LARP1B: variants seen among roughly 807,000 people sequenced by gnomAD.
LARP1B encodes the protein la-related protein 1B.
In LARP1B, 76 loss-of-function variants were observed where a neutral mutation model predicts 114.2. That is an observed-to-expected ratio of 0.67 (90% confidence interval 0.55 to 0.81). The LOEUF is 0.81. Among genes scored for constraint, LARP1B ranks in the 30% least tolerant of loss-of-function variants. LARP1B has a pLI of 0.00. For missense variants in LARP1B, 1,014 were observed against 1,075.8 expected (o/e 0.94, Z 0.80); for synonymous variants, 345 against 348.0 (o/e 0.99, Z 0.10).
intron 4 of LARP1B, among the ~76,000 whole-genome samples, chr4:128,078,397 C>T (rs963017141): frequency 2.6e-5 from 4 of 152,014 alleles, no homozygotes; most frequent in Non-Finnish European, 5.9e-5. Context: ...AGGCGGACCA[C>T]TTGAGGTCAG....
chr4:128,201,475 C>G (rs1214106340), intron 17 of LARP1B, among the ~76,000 whole-genome samples: 1 of 152,228 alleles, frequency 6.6e-6, no homozygotes, highest in Non-Finnish European at 1.5e-5. Context: ...AGCAAGGCCT[C>G]TCACAATATG....
At chr4:128,077,528 A>G (rs1411428806) in intron 3 of LARP1B, among the ~76,000 whole-genome samples, 25 of 151,552 alleles carry the variant, frequency 1.6e-4, no homozygotes, top group Admixed American at 1.4e-3. Context: ...AAAAAAAAAA[A>G]GTGGTATTGA....
At chr4:128,168,578 C>T (rs140511450) in intron 12 of LARP1B, among the ~76,000 whole-genome samples, 3 of 152,124 alleles carry the variant, frequency 2.0e-5, no homozygotes, top group African/African-American at 4.8e-5. Flanking sequence ...CAGTGGCTCA[C>T]GTCATGTGGC....
At chr4:128,090,744 T>C (rs1485113923) in intron 5 of LARP1B, among the ~76,000 whole-genome samples, 1 of 152,228 alleles carries the variant, frequency 6.6e-6, no homozygotes, top group Non-Finnish European at 1.5e-5. Flanking sequence ...AAACTATCTC[T>C]TTACCTTTCT....
In LARP1B at chr4:128,155,509, A is replaced by G. The variant is rs1735116647; in HGVS notation, c.1525-6685A>G. On this transcript the variant is annotated intron_variant, in intron 11 of 19. Coordinates refer to ENST00000326639, the MANE Select transcript of LARP1B (RefSeq NM_018078.4). ...GCAGAAGTTCCACCTCGTGCCAAGG[A>G]TCAGCAACATGAGTGGCAGTGAGGA... 6.3e-6 allele frequency: 5 copies of G among 792,334 alleles called. No individual in the cohort carries two copies. In the East Asian group the frequency reaches 1.2e-4, roughly 19 times the overall value. The allele number at this position is 792,334 out of a possible 1,614,324, so 49.1% of individuals were successfully genotyped here.
chr4:128,075,311 C>T (rs1767388895), intron 3 of LARP1B, among the ~76,000 whole-genome samples: 1 of 152,056 alleles, frequency 6.6e-6, no homozygotes, highest in South Asian at 2.1e-4. Context: ...TGGTCTCCAA[C>T]TCCTGAGCTC....
rs1439162982 is a variant in LARP1B, at chr4:128,097,912, AG to A, written c.669-273del. 4.6e-5 allele frequency among the ~76,000 whole-genome samples: 7 copies of A among 152,322 alleles called. 1 individual carries two copies. In the East Asian group the frequency reaches 1.3e-3, roughly 29 times the overall value. On this transcript the variant is annotated intron_variant, in intron 7 of 19. Coordinates refer to ENST00000326639, the MANE Select transcript of LARP1B (RefSeq NM_018078.4). Reference sequence around the variant, plus strand: ...TGAACTATTTTAAGGTAAAATGAGCAGCTTAATTCTTTATATTTAGTGAAAC... The same window carrying A: ...TGAACTATTTTAAGGTAAAATGAGCACTTAATTCTTTATATTTAGTGAAAC...
At chr4:128,154,824 A>T (rs1252909809) in intron 11 of LARP1B, among the ~76,000 whole-genome samples, 9 of 152,094 alleles carry the variant, frequency 5.9e-5, no homozygotes, top group Non-Finnish European at 1.0e-4. Flanking sequence ...CCCAAGTTGG[A>T]GTGCAATGGT....
In LARP1B at chr4:128,210,806, A is replaced by T. The variant is rs1180336689; in HGVS notation, c.*753A>T. On this transcript the variant is annotated 3_prime_UTR_variant, in exon 20 of 20. Coordinates refer to ENST00000326639, the MANE Select transcript of LARP1B (RefSeq NM_018078.4). ...GATTACATATTAGAGGTTTATTTTT[A>T]TGATTCTATATAAACGTGCACGAGT... is the stretch of plus-strand genomic sequence containing the variant. 1.0e-6 allele frequency: 1 copy of T among 983,568 alleles called. No individual in the cohort carries two copies. Among genetic ancestry groups the T allele is most frequent in the Non-Finnish European group, 1.2e-6 (1 of 828,462 alleles). The allele number at this position is 983,568 out of a possible 1,614,324, so 60.9% of individuals were successfully genotyped here. A position where few individuals can be genotyped will look rare whatever the true frequency, so the allele number is the denominator to read the frequency against.
chr4:128,138,113 AT>A (rs1726269430), intron 11 of LARP1B, among the ~76,000 whole-genome samples: 1 of 152,238 alleles, frequency 6.6e-6, no homozygotes, highest in Non-Finnish European at 1.5e-5. Flanking sequence ...CCCATAAAAA[AT>A]ATGGAAGGAA....
At chr4:128,155,415 C>T (rs558794484) in intron 11 of LARP1B, 10 of 652,094 alleles carry the variant, frequency 1.5e-5, no homozygotes, top group East Asian at 5.6e-5. Flanking sequence ...GGGAACCCGG[C>T]CCGAGCTCCG....
intron 9 of LARP1B, chr4:128,107,704 A>G: frequency 6.9e-7 from 1 of 1,442,914 alleles, no homozygotes; most frequent in Non-Finnish European, 9.0e-7. Flanking sequence ...TTTTGTTACC[A>G]ATACGCTTTA....
At chr4:128,222,378 C>G (rs1760094274) in exon 8 of LARP1B, 1 of 456,650 alleles carries the variant, frequency 2.2e-6, no homozygotes, top group Non-Finnish European at 4.4e-6. Flanking sequence ...TTCTGCTCAT[C>G]ATAAACATCT....
At chr4:128,110,414 T>C (rs1363105163) in intron 9 of LARP1B, among the ~76,000 whole-genome samples, 1 of 148,982 alleles carries the variant, frequency 6.7e-6, no homozygotes, top group Admixed American at 6.8e-5. Context: ...CTTTTCATTA[T>C]TAAAAAAAAA....
At chr4:128,097,143 CCA>C (rs1778355910) in intron 7 of LARP1B, among the ~76,000 whole-genome samples, 1 of 152,176 alleles carries the variant, frequency 6.6e-6, no homozygotes, top group African/African-American at 2.4e-5. Context: ...AGCGATCCAC[CCA>C]CCTCAGCCTC....
chr4:128,113,338 CTTTTCTTT>C (rs1397079187), intron 9 of LARP1B, among the ~76,000 whole-genome samples: 12 of 148,426 alleles, frequency 8.1e-5, no homozygotes, highest in South Asian at 4.3e-4. Context: ...TTTTCTTTTT[CTTTTCTTT>C]TTTTCTTTTT....
intron 11 of LARP1B, among the ~76,000 whole-genome samples, chr4:128,152,231 C>T (rs1453354873): frequency 1.5e-5 from 2 of 135,470 alleles, no homozygotes; most frequent in Non-Finnish European, 3.1e-5. Context: ...TTGAGGTGGA[C>T]TCTCGCTCTG....
At chr4:128,083,669 G>T (rs1267292110) in intron 5 of LARP1B, among the ~76,000 whole-genome samples, 1 of 94,108 alleles carries the variant, frequency 1.1e-5, no homozygotes, top group Non-Finnish European at 2.5e-5. Flanking sequence ...CCAGGTGGGG[G>T]GGCTGAGCCC....
At chr4:128,219,038 GA>G (rs1240458343) in intron 6 of LARP1B, among the ~76,000 whole-genome samples, 3 of 137,698 alleles carry the variant, frequency 2.2e-5, no homozygotes, top group African/African-American at 8.1e-5. Context: ...AAAAACACAT[GA>G]AAAAATGCTC....
Sources: gnomAD v4.1 joint callset for allele counts (sites outside exome capture counted in the v4.1 genomes callset) on GRCh38, gnomAD v4.1.1 for gene constraint, MANE v1.5 for transcripts, NCBI Gene and HGNC (gene_info 2026-07-23, HGNC 2026-07-21) for gene names.